The following ARHGAP18 variants were observed in gnomAD, a reference collection of about 807,000 sequenced individuals.
ARHGAP18 encodes rho GTPase-activating protein 18.
Under a neutral mutation model 86.2 loss-of-function variants are expected in ARHGAP18, and 67 were observed. The ratio of observed to expected loss-of-function variants is 0.78; its 90% confidence interval spans 0.64 to 0.95. The LOEUF is 0.95. Ranked by LOEUF, ARHGAP18 falls within the 40% of genes least tolerant of loss-of-function variation. The probability of loss-of-function intolerance (pLI) is 0.00; values close to 1 mark genes in which losing one functional copy is unlikely to be tolerated. For missense variants in ARHGAP18, 691 were observed against 780.4 expected, an observed-to-expected ratio of 0.89 and a Z score of 1.37; for synonymous variants, 283 against 280.4, an observed-to-expected ratio of 1.01 and a Z score of -0.09.
rs1788722948 is a variant in ARHGAP18, at chr6:129,600,801, AT to A, written c.1412del (p.Asn471IlefsTer3). ...LQRVIDNKEK[N>X]KMTVMNVAMV... is the part of the protein sequence containing the mutation. ...TTGCTACATTCATGACTGTCATTTTATTTTTTTCTTTATTATCTATTACTCT... is the reference window on the plus strand; with the variant it reads ...TTGCTACATTCATGACTGTCATTTTATTTTTTCTTTATTATCTATTACTCT... On this transcript the variant is annotated frameshift_variant, in exon 11 of 15. Transcript: ENST00000368149. LOFTEE classifies it high-confidence loss of function. 1 of 1,613,196 alleles carries A rather than the reference AT, an allele frequency of 6.2e-7. No individual in the cohort carries two copies.
At chr6:129,661,991 CAG>C (rs1426079628) in intron 1 of ARHGAP18, 2 of 801,482 alleles carry the variant, frequency 2.5e-6, no homozygotes, top group African/African-American at 3.9e-5. Context: ...CACACACACA[CAG>C]AACACAAAGC....
chr6:129,618,887 C>G, intron 5 of ARHGAP18, 35 bp from the exon 6 acceptor site: 1 of 1,581,930 alleles, frequency 6.3e-7, no homozygotes, highest in Non-Finnish European at 8.6e-7. Context: ...TAAAAGCTTA[C>G]AGTACCTAAC....
chr6:129,667,619 A>G (rs146509202), intron 1 of ARHGAP18, among the ~76,000 whole-genome samples: 244 of 151,836 alleles, frequency 1.6e-3, no homozygotes, highest in Non-Finnish European at 1.0e-3. Flanking sequence ...TTCAGGAAAC[A>G]TATATTGAGA....
At chr6:129,601,852 T>C (rs1788753316) in intron 10 of ARHGAP18, among the ~76,000 whole-genome samples, 1 of 152,062 alleles carries the variant, frequency 6.6e-6, no homozygotes, top group Non-Finnish European at 1.5e-5. Context: ...GGTCTTGAAC[T>C]CTTGAGTTCA....
intron 1 of ARHGAP18, among the ~76,000 whole-genome samples, chr6:129,673,120 C>G (rs901750031): frequency 6.6e-6 from 1 of 152,106 alleles, no homozygotes; most frequent in African/African-American, 2.4e-5. Flanking sequence ...AATTGTTTTT[C>G]TTTAAAAATA....
intron 1 of ARHGAP18, among the ~76,000 whole-genome samples, chr6:129,674,791 T>G (rs992258522): frequency 6.6e-6 from 1 of 152,206 alleles, no homozygotes; most frequent in Non-Finnish European, 1.5e-5. Flanking sequence ...ACTGTTTATG[T>G]TTAGTTAGCC....
chr6:129,613,232 C>CAAAAA (rs71028167), intron 7 of ARHGAP18, among the ~76,000 whole-genome samples: 2 of 94,176 alleles, frequency 2.1e-5, no homozygotes, highest in Non-Finnish European at 4.1e-5. Context: ...GACTCTGTCT[C>CAAAAA]AAAAAAAAAA....
In ARHGAP18 at chr6:129,633,911, C is replaced by T. The variant is rs186736621; in HGVS notation, c.616+131G>A. On this transcript the variant is annotated intron_variant, in intron 4 of 14. Transcript: ENST00000368149. ...ATGCTCAGCCTCACATAATGATCCA[C>T]TTGAGACCTTACATTAACATTTTAA... 472 of 761,110 alleles carry T rather than the reference C, an allele frequency of 6.2e-4. 2 individuals are homozygous for T. Among genetic ancestry groups the T allele is most frequent in the Non-Finnish European group, 9.3e-5 (45 of 485,976 alleles). The allele number at this position is 761,110 out of a possible 1,614,324, so 47.1% of individuals were successfully genotyped here. A position where few individuals can be genotyped will look rare whatever the true frequency, so the allele number is the denominator to read the frequency against.
chr6:129,650,588 C>A (rs1584089200), intron 1 of ARHGAP18, among the ~76,000 whole-genome samples: 1 of 152,156 alleles, frequency 6.6e-6, no homozygotes, highest in South Asian at 2.1e-4. Flanking sequence ...TCAAAATCAT[C>A]TTCCAAGACA....
At chr6:129,624,812 G>A (rs1485387960) in intron 5 of ARHGAP18, among the ~76,000 whole-genome samples, 1 of 150,688 alleles carries the variant, frequency 6.6e-6, no homozygotes, top group Admixed American at 6.7e-5. Flanking sequence ...GGGCGTGGTG[G>A]TGGGCACCTA....
Position 129,656,234 on chromosome 6 carries a change from A to T in ARHGAP18, c.114-14216T>A, listed in dbSNP as rs141757435. Among the ~76,000 whole-genome samples, 6 of 152,332 alleles carry T rather than the reference A, an allele frequency of 3.9e-5. No homozygotes were observed. The East Asian group carries it at 1.2e-3, about 29-fold the overall frequency. Reference sequence around the variant, plus strand: ...GAGATAAAATATGTAGGGAAACAGTAATACAGGGCAGCCTGGCTTCACACC... The same window carrying T: ...GAGATAAAATATGTAGGGAAACAGTTATACAGGGCAGCCTGGCTTCACACC... On this transcript the variant is annotated intron_variant, in intron 1 of 14. Coordinates refer to ENST00000368149, the MANE Select transcript of ARHGAP18 (RefSeq NM_033515.3).
Position 129,584,054 on chromosome 6 carries a change from A to G in ARHGAP18, c.1772T>C (p.Met591Thr). ...VQAPHLSKVS[M>T]AIQLTEELKA... ...TAGTTCTTCAGTTAGCTGTATTGCC[A>G]TGGAAACTTTCGAAAGATGGGGAGC... The change falls in exon 13 of 15, where the codon ATG becomes ACG. Residue 591 changes from methionine (M) to threonine (T), a missense_variant. Met to Thr is a moderately conservative substitution (Grantham distance 81). Transcript: ENST00000368149. 1.2e-6 allele frequency: 2 copies of G among 1,613,816 alleles called. No individual in the cohort carries two copies. The highest frequency in any genetic ancestry group is 1.1e-5 in the South Asian group (1 of 91,082).
intron 1 of ARHGAP18, among the ~76,000 whole-genome samples, chr6:129,655,049 G>A (rs1354983938): frequency 2.6e-5 from 4 of 152,204 alleles, no homozygotes; most frequent in South Asian, 2.1e-4. Flanking sequence ...GGCCGGGTGC[G>A]GTGGCTCACG....
chr6:129,605,768 G>A (rs878964422), intron 10 of ARHGAP18, 109 bp downstream of exon 10: 1 of 984,870 alleles, frequency 1.0e-6, no homozygotes, highest in African/African-American at 1.7e-5. Flanking sequence ...TTTCTTTATA[G>A]ACTTTTATGA....
intron 8 of ARHGAP18, among the ~76,000 whole-genome samples, chr6:129,609,409 C>T (rs1358628210): frequency 6.6e-6 from 1 of 152,134 alleles, no homozygotes; most frequent in African/African-American, 2.4e-5. Context: ...CCAGCCTTCT[C>T]GTTGCAAAGT....
chr6:129,580,117 G>T lies in ARHGAP18; in HGVS notation c.1853C>A (p.Thr618Asn), dbSNP rs1374739339. 1 of 1,613,722 alleles carries T rather than the reference G, an allele frequency of 6.2e-7. No homozygotes were observed. The highest frequency in any genetic ancestry group is 1.7e-5 in the Admixed American group (1 of 59,976). ...CAAAAAAACTTCTCCTTTCTTGAGAGTCTGGGCAACCCCACTATGAGGGAC... is the reference window on the plus strand; with the variant it reads ...CAAAAAAACTTCTCCTTTCTTGAGATTCTGGGCAACCCCACTATGAGGGAC... ...FLSQESGVAQTLKKGEVFLYE... is the reference protein window; with the variant it reads ...FLSQESGVAQNLKKGEVFLYE... The change falls in exon 14 of 15, where the codon ACT (threonine) becomes AAT (asparagine). Residue 618 changes from threonine (T) to asparagine (N), a missense_variant. Physicochemically the swap from Thr to Asn is moderately conservative, Grantham distance 65. Coordinates refer to ENST00000368149, the MANE Select transcript of ARHGAP18 (RefSeq NM_033515.3).
intron 12 of ARHGAP18, among the ~76,000 whole-genome samples, chr6:129,584,850 C>A (rs1403904801): frequency 6.6e-6 from 1 of 152,116 alleles, no homozygotes; most frequent in South Asian, 2.1e-4. Flanking sequence ...ACAGCACGCA[C>A]AAATCATGTT....
chr6:129,636,098 C>T (rs141930072), intron 3 of ARHGAP18, among the ~76,000 whole-genome samples: 3 of 152,216 alleles, frequency 2.0e-5, no homozygotes, highest in Admixed American at 2.0e-4. Context: ...TGTCATAATA[C>T]TAAATTTCCT....
chr6:129,682,700 TAACTAG>T (rs1471156246), intron 1 of ARHGAP18, among the ~76,000 whole-genome samples: 1 of 152,236 alleles, frequency 6.6e-6, no homozygotes, highest in Non-Finnish European at 1.5e-5. Flanking sequence ...TGCCTGGCAT[TAACTAG>T]ATGTTGAGAT....
Sources: allele counts gnomAD v4.1 joint callset (sites outside exome capture counted in the v4.1 genomes callset), GRCh38; gene constraint gnomAD v4.1.1; transcripts MANE v1.5; gene names NCBI Gene and HGNC (gene_info 2026-07-23, HGNC 2026-07-21).